SAMSN1: variants seen among roughly 807,000 people sequenced by gnomAD.
SAMSN1 encodes the protein SAM domain, SH3 domain and nuclear localization signals 1.
In SAMSN1, 31 loss-of-function variants were observed where a neutral mutation model predicts 42.0. That is an observed-to-expected ratio of 0.74 (90% CI 0.55 to 1.00). SAMSN1 has a LOEUF of 1.00. SAMSN1 is among the 50% of genes least tolerant of loss of function. The pLI is 0.00. For missense variants in SAMSN1, 464 were observed against 439.4 expected (o/e 1.06, Z -0.50); for synonymous variants, 178 against 151.9 (o/e 1.17, Z -1.26).
At chr21:14,580,997 G>T (rs1298934207) in intron 2 of SAMSN1, among the ~76,000 whole-genome samples, 1 of 152,034 alleles carries the variant, frequency 6.6e-6, no homozygotes, top group Non-Finnish European at 1.5e-5. Flanking sequence ...TATAATATTT[G>T]ACTTTAGCTT....
intron 4 of SAMSN1, among the ~76,000 whole-genome samples, chr21:14,610,235 C>T (rs554769376): frequency 6.6e-6 from 1 of 152,184 alleles, no homozygotes; most frequent in African/African-American, 2.4e-5. Flanking sequence ...AATTAACAGC[C>T]CTGGGAAAAG....
At chr21:14,500,223 G>T (rs184683602) in intron 6 of SAMSN1, among the ~76,000 whole-genome samples, 1 of 151,112 alleles carries the variant, frequency 6.6e-6, no homozygotes, top group African/African-American at 2.4e-5. Flanking sequence ...TACCATTCTC[G>T]TTTAGACATT....
chr21:14,509,942 A>G (rs1987605257), intron 5 of SAMSN1, among the ~76,000 whole-genome samples: 3 of 152,092 alleles, frequency 2.0e-5, no homozygotes, highest in Admixed American at 6.5e-5. Flanking sequence ...GATTGAGACC[A>G]TCCTGGCTAA....
At chr21:14,591,426 A>T (rs2123272233) in intron 7 of SAMSN1, 1 of 152,312 alleles carries the variant, frequency 6.6e-6, no homozygotes, top group South Asian at 2.1e-4. Flanking sequence ...GAATACTAAG[A>T]AAAATAGTCA....
intron 2 of SAMSN1, among the ~76,000 whole-genome samples, chr21:14,563,323 A>T (rs956482792): frequency 6.6e-6 from 1 of 152,220 alleles, no homozygotes; most frequent in Non-Finnish European, 1.5e-5. Context: ...AATGTAAAGT[A>T]TATGTTTCTA....
chr21:14,571,885 T>C (rs1466647216), intron 2 of SAMSN1, among the ~76,000 whole-genome samples: 1 of 152,210 alleles, frequency 6.6e-6, no homozygotes, highest in African/African-American at 2.4e-5. Flanking sequence ...GCTCACTGTA[T>C]ACATTTCAGT....
intron 1 of SAMSN1, among the ~76,000 whole-genome samples, chr21:14,541,700 G>T (rs1006745894): frequency 3.3e-5 from 5 of 152,164 alleles, no homozygotes; most frequent in Non-Finnish European, 7.3e-5. Context: ...AGTCTACTAC[G>T]TTGAAAGTAT....
chr21:14,518,423 C>T (rs1407706892), intron 2 of SAMSN1, among the ~76,000 whole-genome samples: 1 of 149,834 alleles, frequency 6.7e-6, no homozygotes, highest in Non-Finnish European at 1.5e-5. Context: ...ATAAATGAAA[C>T]TTCTCATGTA....
intron 2 of SAMSN1, among the ~76,000 whole-genome samples, chr21:14,577,285 T>TATATATATATATATA (rs1491266473): frequency 5.4e-5 from 2 of 36,834 alleles, no homozygotes; most frequent in Non-Finnish European, 1.0e-4. Flanking sequence ...TATATATATA[T>TATATATATATATATA]TTTTTTTTTA....
chr21:14,572,985 T>G (rs1260038406), intron 2 of SAMSN1, among the ~76,000 whole-genome samples: 1 of 152,224 alleles, frequency 6.6e-6, no homozygotes. Context: ...ACCATGATAC[T>G]GTCTTACTGA....
At chr21:14,638,230 G>C (rs1161354725) in intron 2 of SAMSN1, among the ~76,000 whole-genome samples, 2 of 152,140 alleles carry the variant, frequency 1.3e-5, no homozygotes, top group Non-Finnish European at 2.9e-5. Flanking sequence ...AAGGAAATGA[G>C]CAAAATTTCC....
intron 1 of SAMSN1, among the ~76,000 whole-genome samples, chr21:14,525,356 T>C (rs1978775098): frequency 6.6e-6 from 1 of 152,134 alleles, no homozygotes; most frequent in Non-Finnish European, 1.5e-5. Context: ...TGTTAAATGT[T>C]ACCAAGAAGA....
chr21:14,583,566 C>A, upstream of SAMSN1: 1 of 653,904 alleles, frequency 1.5e-6, no homozygotes, highest in Non-Finnish European at 2.8e-6. Flanking sequence ...TATCTTAAGA[C>A]TTTATCAAAA....
rs1422209828 is a variant in SAMSN1, at chr21:14,546,200, C to T, written c.57+5G>A. 1.9e-6 allele frequency: 3 copies of T among 1,611,398 alleles called. No homozygotes were observed. Among genetic ancestry groups the T allele is most frequent in the South Asian group, 1.1e-5 (1 of 90,982 alleles). ...TTTATTTAACTATGTATGAAATCAC[C>T]TTACCTTTGGTTTTTGATGTTTCTC... On this transcript the variant is annotated splice_donor_5th_base_variant and intron_variant, in intron 1 of 7. Transcript: ENST00000400566.
chr21:14,521,008 C>A (rs1978429000), intron 2 of SAMSN1, 142 bp downstream of exon 2: 1 of 627,810 alleles, frequency 1.6e-6, no homozygotes, highest in Admixed American at 3.0e-5. Context: ...ATGGTTTGTT[C>A]ATTTATCACA....
upstream of SAMSN1, chr21:14,546,317 A>T: frequency 6.2e-7 from 1 of 1,609,384 alleles, no homozygotes; most frequent in South Asian, 1.1e-5. Context: ...GAAACAACTG[A>T]AAACAGTCAG....
chr21:14,608,999 C>T (rs1012964454), intron 5 of SAMSN1, among the ~76,000 whole-genome samples: 1 of 151,890 alleles, frequency 6.6e-6, no homozygotes, highest in African/African-American at 2.4e-5. Flanking sequence ...TATTCTATAC[C>T]TGACTCCTAA....
At chr21:14,570,714 G>A (rs532772941) in intron 2 of SAMSN1, among the ~76,000 whole-genome samples, 4 of 152,212 alleles carry the variant, frequency 2.6e-5, no homozygotes, top group South Asian at 4.1e-4. Flanking sequence ...CATAGTTCAC[G>A]CCACCATCAT....
intron 1 of SAMSN1, among the ~76,000 whole-genome samples, chr21:14,647,684 C>T (rs1429376158): frequency 7.3e-6 from 1 of 137,808 alleles, no homozygotes; most frequent in Non-Finnish European, 1.6e-5. Flanking sequence ...TGTAGTTCTC[C>T]TTGAAGAGGT....
Sources: gnomAD v4.1 joint callset for allele counts (sites outside exome capture counted in the v4.1 genomes callset) on GRCh38, gnomAD v4.1.1 for gene constraint, MANE v1.5 for transcripts, NCBI Gene and HGNC (gene_info 2026-07-23, HGNC 2026-07-21) for gene names.